TBCA: variants seen among roughly 807,000 people sequenced by gnomAD.
TBCA encodes the protein tubulin-specific chaperone A.
TBCA carries 6 observed loss-of-function variants against 15.8 expected under a neutral mutation model. That is an observed-to-expected ratio of 0.38 (90% CI 0.21 to 0.75). TBCA has a LOEUF of 0.75. Ranked by LOEUF, TBCA falls within the 30% of genes least tolerant of loss-of-function variation. The pLI is 0.46. For missense variants in TBCA, 90 were observed against 131.2 expected, an observed-to-expected ratio of 0.69 and a Z score of 1.53; for synonymous variants, 32 against 42.3, an observed-to-expected ratio of 0.76 and a Z score of 0.94.
At position 77,706,669 on chromosome 5, in the gene TBCA, C is replaced by T. The variant is rs2662353; in HGVS notation, c.159+1573G>A. Among the ~76,000 whole-genome samples, 946 of 151,540 alleles carry T rather than the reference C, an allele frequency of 6.2e-3. 1 individual carries two copies. Among genetic ancestry groups the T allele is most frequent in the Non-Finnish European group, 9.9e-3 (674 of 67,788 alleles). The stretch of plus-strand genomic sequence containing the variant: ...TCTACTAAAAATACAAAATTAGCTG[C>T]GCGTGGTGGTGCATGCCTGTTAATC... On this transcript the variant is annotated intron_variant, in intron 2 of 3. Coordinates refer to ENST00000380377, the MANE Select transcript of TBCA (RefSeq NM_004607.3).
chr5:77,712,160 C>G (rs1029164300), intron 1 of TBCA, among the ~76,000 whole-genome samples: 1 of 152,156 alleles, frequency 6.6e-6, no homozygotes, highest in African/African-American at 2.4e-5. Flanking sequence ...TATACAACTT[C>G]TACTTCACTA....
At chr5:77,714,748 A>G (rs1290861981) in intron 1 of TBCA, among the ~76,000 whole-genome samples, 1 of 151,984 alleles carries the variant, frequency 6.6e-6, no homozygotes, top group Non-Finnish European at 1.5e-5. Context: ...TTGTATTTCT[A>G]GTAGAGACGG....
chr5:77,695,792 C>A (rs946948670), intron 2 of TBCA, among the ~76,000 whole-genome samples: 20 of 152,162 alleles, frequency 1.3e-4, no homozygotes, highest in African/African-American at 4.3e-4. Context: ...GAGCTTAATT[C>A]AGGATCTTGG....
At chr5:77,717,073 G>A (rs1049208059) in intron 1 of TBCA, among the ~76,000 whole-genome samples, 4 of 152,152 alleles carry the variant, frequency 2.6e-5, no homozygotes, top group Admixed American at 1.3e-4. Context: ...CAGACACCTT[G>A]GGATCATGAG....
At chr5:77,728,527 C>T (rs562836096) in intron 1 of TBCA, among the ~76,000 whole-genome samples, 6 of 152,174 alleles carry the variant, frequency 3.9e-5, no homozygotes, top group African/African-American at 1.4e-4. Flanking sequence ...AGTCAAGGAT[C>T]ATTTCATGTA....
At chr5:77,750,140 C>A (rs75864964) in intron 1 of TBCA, among the ~76,000 whole-genome samples, 15,359 of 133,866 alleles carry the variant, frequency 0.11, 859 homozygotes, top group Middle Eastern at 0.14. Context: ...TGCTCTCTCT[C>A]TATATATATA....
intron 1 of TBCA, among the ~76,000 whole-genome samples, chr5:77,775,872 A>G (rs1034131265): frequency 6.6e-6 from 1 of 151,904 alleles, no homozygotes; most frequent in East Asian, 2.0e-4. Context: ...CGCACACAGG[A>G]GGCACGGGAT....
chr5:77,711,353 C>G (rs931686011), intron 1 of TBCA, among the ~76,000 whole-genome samples: 1 of 152,038 alleles, frequency 6.6e-6, no homozygotes, highest in Non-Finnish European at 1.5e-5. Context: ...GTTGCTGACC[C>G]CTGACTTGAA....
At chr5:77,748,691 C>G (rs777050435) in intron 1 of TBCA, among the ~76,000 whole-genome samples, 1 of 152,126 alleles carries the variant, frequency 6.6e-6, no homozygotes, top group Non-Finnish European at 1.5e-5. Context: ...AATAGAAGTG[C>G]TGACCCTCCT....
At chr5:77,775,863 G>A (rs1001261735) in intron 1 of TBCA, among the ~76,000 whole-genome samples, 3 of 152,032 alleles carry the variant, frequency 2.0e-5, no homozygotes, top group African/African-American at 7.2e-5. Context: ...GCCGGCGCGC[G>A]CACACAGGAG....
At chr5:77,696,208 T>C (rs1291615151) in intron 2 of TBCA, among the ~76,000 whole-genome samples, 1 of 152,182 alleles carries the variant, frequency 6.6e-6, no homozygotes, top group Non-Finnish European at 1.5e-5. Context: ...TAACAATCAA[T>C]AGATACTCTA....
At chr5:77,699,646 A>G (rs1454467374) in intron 2 of TBCA, among the ~76,000 whole-genome samples, 4 of 152,202 alleles carry the variant, frequency 2.6e-5, no homozygotes. Context: ...AAAAAAATAG[A>G]AAATCTTTAG....
chr5:77,765,442 C>A (rs776235502), intron 1 of TBCA, among the ~76,000 whole-genome samples: 16 of 152,150 alleles, frequency 1.1e-4, no homozygotes, highest in Non-Finnish European at 2.2e-4. Flanking sequence ...TCTGGGAACA[C>A]AGAAAAGGGG....
At chr5:77,734,410 T>A (rs891518947) in intron 1 of TBCA, among the ~76,000 whole-genome samples, 1 of 151,884 alleles carries the variant, frequency 6.6e-6, no homozygotes, top group African/African-American at 2.4e-5. Context: ...CGGGAGGAGG[T>A]CAAAATATCA....
chr5:77,707,298 A>G (rs1184374030), intron 2 of TBCA, among the ~76,000 whole-genome samples: 1 of 152,182 alleles, frequency 6.6e-6, no homozygotes, highest in South Asian at 2.1e-4. Flanking sequence ...GGAATTATGA[A>G]GCAAGTGTCA....
At chr5:77,737,838 T>C (rs1011442146) in intron 1 of TBCA, among the ~76,000 whole-genome samples, 4 of 152,222 alleles carry the variant, frequency 2.6e-5, no homozygotes, top group African/African-American at 9.6e-5. Flanking sequence ...TTCACTTTAC[T>C]GATACATCTT....
At chr5:77,749,012 C>T (rs1423056728) in intron 1 of TBCA, among the ~76,000 whole-genome samples, 3 of 152,180 alleles carry the variant, frequency 2.0e-5, no homozygotes, top group Admixed American at 6.5e-5. Flanking sequence ...TCTACAGGTA[C>T]GTATCAAGCA....
chr5:77,693,185 T>C (rs1337516138), intron 3 of TBCA, 81 bp downstream of exon 3: 11 of 1,563,084 alleles, frequency 7.0e-6, no homozygotes, highest in Non-Finnish European at 9.5e-6. Context: ...TAGTTCTCAG[T>C]GTTAAATATT....
At chr5:77,694,090 G>T (rs1745820381) in intron 2 of TBCA, among the ~76,000 whole-genome samples, 1 of 152,108 alleles carries the variant, frequency 6.6e-6, no homozygotes, top group South Asian at 2.1e-4. Flanking sequence ...ATATCACATG[G>T]AGATAATTAC....
Sources: allele counts gnomAD v4.1 joint callset (sites outside exome capture counted in the v4.1 genomes callset), GRCh38; gene constraint gnomAD v4.1.1; transcripts MANE v1.5; gene names NCBI Gene and HGNC (gene_info 2026-07-23, HGNC 2026-07-21).